Variants in ARMH4 observed in about 807,000 individuals in gnomAD.
ARMH4 encodes armadillo-like helical domain-containing protein 4.
Under a neutral mutation model 61.9 loss-of-function variants are expected in ARMH4, and 49 were observed. That is an observed-to-expected ratio of 0.79 (90% confidence interval 0.63 to 1.00). The LOEUF (loss-of-function observed/expected upper bound fraction) is 1.00, where lower values mean the gene tolerates loss of function less well. ARMH4 is among the 50% of genes least tolerant of loss of function. The pLI is 0.00. For synonymous variants in ARMH4, 368 were observed against 341.5 expected, an observed-to-expected ratio of 1.08 and a Z score of -0.85; for missense variants, 934 against 930.0, an observed-to-expected ratio of 1.00 and a Z score of -0.06.
At chr14:58,132,467 C>T (rs1012443314) in intron 3 of ARMH4, among the ~76,000 whole-genome samples, 5 of 152,086 alleles carry the variant, frequency 3.3e-5, no homozygotes, top group Non-Finnish European at 2.9e-5. Flanking sequence ...CTCATCCCCC[C>T]CGGCTCCTAG....
At chr14:58,045,184 T>A (rs993655000) in intron 5 of ARMH4, among the ~76,000 whole-genome samples, 4 of 152,264 alleles carry the variant, frequency 2.6e-5, no homozygotes, top group Middle Eastern at 3.4e-3. Flanking sequence ...GTGGCACTAC[T>A]CACAATAGCA....
Position 58,138,409 on chromosome 14 carries a change from G to C in ARMH4, c.950C>G (p.Thr317Ser). The change falls in exon 2 of 8, where the codon ACC becomes AGC. Residue 317 changes from threonine (T) to serine (S), a missense_variant. Coordinates refer to ENST00000267485, the MANE Select transcript of ARMH4 (RefSeq NM_001001872.4). ...ASALSDEWDD[T>S]KLESVSRIRT... is the part of the protein sequence containing the mutation. Reference sequence around the variant, plus strand: ...TATCCGGCTTACACTCTCTAATTTGGTGTCATCCCACTCATCACTTAAGGC... The same window carrying C: ...TATCCGGCTTACACTCTCTAATTTGCTGTCATCCCACTCATCACTTAAGGC... 6.2e-7 allele frequency: 1 copy of C among 1,614,162 alleles called. No homozygotes were observed. Among genetic ancestry groups the C allele is most frequent in the Non-Finnish European group, 8.5e-7 (1 of 1,180,038 alleles).
chr14:58,117,061 C>T (rs1238230397), intron 4 of ARMH4, among the ~76,000 whole-genome samples: 1 of 152,212 alleles, frequency 6.6e-6, no homozygotes, highest in African/African-American at 2.4e-5. Context: ...AAGAGACCCT[C>T]CTGCCTCCAC....
At chr14:58,081,453 T>C (rs905823665) in intron 5 of ARMH4, among the ~76,000 whole-genome samples, 2 of 152,080 alleles carry the variant, frequency 1.3e-5, no homozygotes, top group Non-Finnish European at 2.9e-5. Flanking sequence ...AATATAAGCT[T>C]GTATGAGGCT....
intron 6 of ARMH4, among the ~76,000 whole-genome samples, chr14:58,009,531 C>T (rs1882306892): frequency 6.6e-6 from 1 of 152,076 alleles, no homozygotes; most frequent in African/African-American, 2.4e-5. Flanking sequence ...ACAATAGGGG[C>T]CGGGCACAGT....
chr14:58,094,337 A>T (rs1262117284), intron 5 of ARMH4, among the ~76,000 whole-genome samples: 1 of 151,754 alleles, frequency 6.6e-6, no homozygotes. Flanking sequence ...CTCAAAAAAA[A>T]AAAAAAAGAA....
chr14:58,078,175 G>T (rs1213449460), intron 5 of ARMH4, among the ~76,000 whole-genome samples: 1 of 152,176 alleles, frequency 6.6e-6, no homozygotes, highest in Admixed American at 6.5e-5. Context: ...GCAGGGCAGG[G>T]CAAAAGCTTA....
intron 1 of ARMH4, among the ~76,000 whole-genome samples, chr14:58,143,765 CTTTTTTTTTTT>C (rs201034964): frequency 2.8e-4 from 34 of 120,074 alleles, no homozygotes; most frequent in East Asian, 6.8e-4. Flanking sequence ...TGCCCATCCT[CTTTTTTTTTTT>C]TTTTTTTTTT....
intron 5 of ARMH4, among the ~76,000 whole-genome samples, chr14:58,062,385 C>T (rs1884560455): frequency 6.6e-6 from 1 of 152,178 alleles, no homozygotes; most frequent in Non-Finnish European, 1.5e-5. Context: ...GAGCCTAGTG[C>T]TATTAGATTC....
chr14:58,121,896 T>C (rs1018342872), intron 4 of ARMH4, among the ~76,000 whole-genome samples: 1 of 152,192 alleles, frequency 6.6e-6, no homozygotes, highest in Admixed American at 6.6e-5. Flanking sequence ...TTAATAGTTA[T>C]AAAATTATTT....
chr14:58,080,904 C>T (rs955994887), intron 5 of ARMH4, among the ~76,000 whole-genome samples: 4 of 152,106 alleles, frequency 2.6e-5, no homozygotes, highest in Non-Finnish European at 4.4e-5. Flanking sequence ...GAGTTTAAGA[C>T]CAGCCTGGGC....
At position 58,090,864 on chromosome 14, in the gene ARMH4, A is replaced by T. The variant is rs563372373; in HGVS notation, c.2089+5860T>A. Among the ~76,000 whole-genome samples, 9 of 145,734 alleles carry T rather than the reference A, an allele frequency of 6.2e-5. No individual in the cohort carries two copies. In the East Asian group the frequency reaches 1.8e-3, roughly 30 times the overall value. The stretch of plus-strand genomic sequence containing the variant: ...CACTGCACTCCACCCTGGGAGACAG[A>T]GTGAGACCCTGTCTCAAAAAAAAAA... On this transcript the variant is annotated intron_variant, in intron 5 of 7. Transcript: ENST00000267485.
At chr14:58,122,613 C>A (rs1886763369) in intron 4 of ARMH4, among the ~76,000 whole-genome samples, 1 of 151,918 alleles carries the variant, frequency 6.6e-6, no homozygotes, top group Non-Finnish European at 1.5e-5. Context: ...TGGAACAGGA[C>A]AAACGGTATA....
chr14:58,132,950 G>T, intron 3 of ARMH4, 140 bp downstream of exon 3: 1 of 874,668 alleles, frequency 1.1e-6, no homozygotes, highest in Non-Finnish European at 1.8e-6. Flanking sequence ...CCCCTTTCCA[G>T]GTAAAGGTGT....
chr14:58,070,102 G>C (rs1884836853), intron 5 of ARMH4, among the ~76,000 whole-genome samples: 1 of 152,200 alleles, frequency 6.6e-6, no homozygotes, highest in South Asian at 2.1e-4. Flanking sequence ...TTGCTACTGA[G>C]TGGATGCGAG....
intron 4 of ARMH4, among the ~76,000 whole-genome samples, chr14:58,105,515 T>C (rs1406154619): frequency 6.6e-6 from 1 of 151,866 alleles, no homozygotes; most frequent in East Asian, 1.9e-4. Context: ...GGTAAAACCC[T>C]GTCTCTACTA....
intron 4 of ARMH4, among the ~76,000 whole-genome samples, chr14:58,112,763 G>A (rs1419179468): frequency 1.3e-5 from 2 of 151,978 alleles, no homozygotes; most frequent in Non-Finnish European, 2.9e-5. Flanking sequence ...TAGGTTATTC[G>A]TTAATTTCTC....
chr14:58,123,167 A>G (rs1886783965), intron 4 of ARMH4, among the ~76,000 whole-genome samples: 1 of 151,812 alleles, frequency 6.6e-6, no homozygotes, highest in African/African-American at 2.4e-5. Flanking sequence ...TGAAAGCCCC[A>G]CTCCCTTGGT....
intron 2 of ARMH4, among the ~76,000 whole-genome samples, chr14:58,136,756 T>C (rs1177458201): frequency 6.6e-6 from 1 of 152,170 alleles, no homozygotes; most frequent in Non-Finnish European, 1.5e-5. Flanking sequence ...CAACTACCCA[T>C]AATAAAAGAA....
Sources: gnomAD v4.1 joint callset for allele counts (sites outside exome capture counted in the v4.1 genomes callset) on GRCh38, gnomAD v4.1.1 for gene constraint, MANE v1.5 for transcripts, NCBI Gene and HGNC (gene_info 2026-07-23, HGNC 2026-07-21) for gene names.